Variants in MAP2K2 observed in about 807,000 individuals in gnomAD.
MAP2K2 encodes dual specificity mitogen-activated protein kinase kinase 2.
In MAP2K2, 24 loss-of-function variants were observed where a neutral mutation model predicts 43.7. The ratio of observed to expected loss-of-function variants is 0.55; its 90% CI spans 0.40 to 0.77. MAP2K2 has a LOEUF of 0.77. Ranked by LOEUF, MAP2K2 falls within the 30% of genes least tolerant of loss-of-function variation. The pLI is 0.00. For synonymous variants in MAP2K2, 244 were observed against 239.7 expected (o/e 1.02, Z -0.17); for missense variants, 470 against 566.8 (o/e 0.83, Z 1.73).
At chr19:4,096,418 G>C (rs1368347485) in intron 8 of MAP2K2, among the ~76,000 whole-genome samples, 1 of 152,216 alleles carries the variant, frequency 6.6e-6, no homozygotes, top group Non-Finnish European at 1.5e-5. Context: ...CCCACAGAAG[G>C]CCCAGGGAGG....
At chr19:4,123,546 T>TTCC (rs1568266533) in intron 1 of MAP2K2, among the ~76,000 whole-genome samples, 2 of 63,524 alleles carry the variant, frequency 3.1e-5, no homozygotes, top group South Asian at 6.0e-4. Flanking sequence ...CGCCCCGTCC[T>TTCC]CCGAGGGCCC....
intron 8 of MAP2K2, 47 bp downstream of exon 8, chr19:4,097,232 A>T: frequency 3.2e-6 from 4 of 1,234,860 alleles, no homozygotes; most frequent in Non-Finnish European, 4.6e-6. Context: ...AAAAAAAGAA[A>T]GAAGAAAGAA....
chr19:4,090,677 T>A lies in MAP2K2; in HGVS notation c.1124A>T (p.Glu375Val). ...CAACCAGCCGGCAAAATCCACTTCT[T>A]CCACCTCGGACCGCTTGATGAAGGT... The part of the protein sequence containing the change: ...NHTFIKRSEV[E>V]EVDFAGWLCK... The change falls in exon 11 of 11, where the codon GAA becomes GTA. Residue 375 changes from glutamate (E) to valine (V), a missense_variant. Physicochemically the swap from Glu to Val is moderately radical, Grantham distance 121. Around this residue, in one of 3 missense-constraint regions of MAP2K2, gnomAD observed 212 missense variants for 220.8 expected, o/e 0.96. Transcript: ENST00000262948. 1 of 1,559,766 alleles carries A rather than the reference T, an allele frequency of 6.4e-7. No homozygotes were observed. Among genetic ancestry groups the A allele is most frequent in the Non-Finnish European group, 8.7e-7 (1 of 1,151,620 alleles).
chr19:4,095,948 T>C (rs1287906185), intron 8 of MAP2K2, among the ~76,000 whole-genome samples: 2 of 152,238 alleles, frequency 1.3e-5, no homozygotes, highest in Non-Finnish European at 2.9e-5. Context: ...CTAATTTTTA[T>C]ATTTTTAGTA....
chr19:4,095,622 G>A lies in MAP2K2; in HGVS notation c.985-173C>T, dbSNP rs574333623. Among the ~76,000 whole-genome samples the A allele has an allele frequency of 2.0e-3, 310 of 152,322 alleles. 1 individual carries two copies. Among genetic ancestry groups the A allele is most frequent in the African/African-American group, 7.2e-3 (301 of 41,582 alleles). Reference sequence around the variant, plus strand: ...AGGTGGCCTTCTCCCGAAAGCTCTCGTTTGAGAGTCACGGCTGCTTAGAGG... The same window carrying A: ...AGGTGGCCTTCTCCCGAAAGCTCTCATTTGAGAGTCACGGCTGCTTAGAGG... On this transcript the variant is annotated intron_variant, in intron 8 of 10. Transcript: ENST00000262948.
intron 1 of MAP2K2, among the ~76,000 whole-genome samples, chr19:4,119,860 T>G (rs2041270993): frequency 6.6e-6 from 1 of 152,256 alleles, no homozygotes; most frequent in Non-Finnish European, 1.5e-5. Flanking sequence ...GGACTGCTCC[T>G]TCCATCTGGA....
intron 2 of MAP2K2, among the ~76,000 whole-genome samples, chr19:4,114,306 C>T (rs2041193389): frequency 6.6e-6 from 1 of 152,172 alleles, no homozygotes; most frequent in Admixed American, 6.5e-5. Context: ...TAAAACGAGG[C>T]TGCTGTTCAA....
chr19:4,108,847 C>A (rs543002902), intron 3 of MAP2K2, among the ~76,000 whole-genome samples: 1 of 150,590 alleles, frequency 6.6e-6, no homozygotes, highest in Non-Finnish European at 1.5e-5. Flanking sequence ...ACGAGGAAGA[C>A]GAGGAGGAGG....
At position 4,110,385 on chromosome 19, in the gene MAP2K2, G is replaced by A; in HGVS notation, c.450+124C>T. The stretch of plus-strand genomic sequence containing the variant: ...TGTATGGCATCGACTGCCTTGAGAA[G>A]GATCCCCTGGAAGCCAGCGCACTGT... On this transcript the variant is annotated intron_variant, in intron 3 of 10. Coordinates refer to ENST00000262948, the MANE Select transcript of MAP2K2 (RefSeq NM_030662.4). 5 of 1,184,088 alleles carry A rather than the reference G, an allele frequency of 4.2e-6. No individual in the cohort carries two copies. In the East Asian group the frequency reaches 9.5e-5, roughly 23 times the overall value. The allele number at this position is 1,184,088 out of a possible 1,614,324, so 73.3% of individuals were successfully genotyped here.
At chr19:4,108,791 T>C (rs1235659564) in intron 3 of MAP2K2, among the ~76,000 whole-genome samples, 1 of 151,972 alleles carries the variant, frequency 6.6e-6, no homozygotes, top group African/African-American at 2.4e-5. Flanking sequence ...TGGACAGAAC[T>C]CCTGAGTAGC....
rs896896601 is a variant in MAP2K2 at position 4,104,766 on chromosome 19, C to G, written c.451-2313G>C. On this transcript the variant is annotated intron_variant, in intron 3 of 10. Coordinates refer to ENST00000262948, the MANE Select transcript of MAP2K2 (RefSeq NM_030662.4). ...GGGCGGGCGGAGCGCTGTGCTGCAG[C>G]CTCAGGAGCTGGTGGAAGACGCCTC... 9.2e-5 allele frequency: 14 copies of G among 152,398 alleles called. 1 individual carries two copies. Among genetic ancestry groups the G allele is most frequent in the Admixed American group, 2.6e-4 (4 of 15,290 alleles). The allele number at this position is 152,398 out of a possible 1,614,324, so 9.4% of individuals were successfully genotyped here.
chr19:4,094,718 C>A (rs938236465), intron 9 of MAP2K2: 4 of 575,294 alleles, frequency 7.0e-6, no homozygotes, highest in Non-Finnish European at 1.3e-5. Context: ...CACCCCCCAG[C>A]GGGAGGGTGA....
At chr19:4,111,321 A>G (rs2041151340) in intron 2 of MAP2K2, among the ~76,000 whole-genome samples, 1 of 152,168 alleles carries the variant, frequency 6.6e-6, no homozygotes, top group African/African-American at 2.4e-5. Flanking sequence ...AAAAAGACCA[A>G]TTAAGCAAAC....
chr19:4,097,217 A>AAC (rs2040930843), intron 8 of MAP2K2, 62 bp downstream of exon 8: 1 of 1,193,678 alleles, frequency 8.4e-7, no homozygotes, highest in Admixed American at 2.5e-5. Context: ...AAAAAAAAAA[A>AAC]AAAAAAAAAA....
At chr19:4,114,204 G>A (rs62132104) in intron 2 of MAP2K2, among the ~76,000 whole-genome samples, 9,713 of 152,288 alleles carry the variant, frequency 0.064, 327 homozygotes, top group African/African-American at 0.077. Context: ...TGGAGGCTCA[G>A]CCCCGGCAGC....
At chr19:4,097,378 G>A (rs746809948) in intron 7 of MAP2K2, 35 bp from the exon 8 acceptor site, 31 of 1,532,628 alleles carry the variant, frequency 2.0e-5, no homozygotes, top group African/African-American at 6.8e-5. Context: ...GAGATGGGCC[G>A]ATGGCCACCT....
At chr19:4,123,751 C>A (rs746523671) in intron 1 of MAP2K2, 33 bp downstream of exon 1, 2 of 1,506,886 alleles carry the variant, frequency 1.3e-6, no homozygotes, top group South Asian at 2.5e-5. Flanking sequence ...GCCCCGTGCA[C>A]CCCAAGCCTC....
intron 2 of MAP2K2, among the ~76,000 whole-genome samples, chr19:4,113,388 G>A (rs2041180178): frequency 6.6e-6 from 1 of 152,136 alleles, no homozygotes; most frequent in Admixed American, 6.5e-5. Flanking sequence ...CACCACTGAG[G>A]GTGTGCAAGG....
rs1293588802 is a variant in MAP2K2, at chr19:4,111,901, C to T, written c.304-1246G>A. Among the ~76,000 whole-genome samples, 5 of 152,186 alleles carry T rather than the reference C, an allele frequency of 3.3e-5. No individual in the cohort carries two copies. In the South Asian group the frequency reaches 6.2e-4, roughly 19 times the overall value. On this transcript the variant is annotated intron_variant, in intron 2 of 10. Transcript: ENST00000262948. ...CCAGGAGGCAGAGGTTGCAGTGAGC[C>T]GAGATCGCACCATTGCACTCCAGCC...
Sources: gnomAD v4.1 joint callset for allele counts (sites outside exome capture counted in the v4.1 genomes callset) on GRCh38, gnomAD v4.1.1 for gene constraint, gnomAD v4.1.1 regional missense constraint, MANE v1.5 for transcripts, NCBI Gene and HGNC (gene_info 2026-07-23, HGNC 2026-07-21) for gene names.